NCAM1: variants seen among roughly 807,000 people sequenced by gnomAD.
The protein encoded by NCAM1 is neural cell adhesion molecule 1, also known as antigen recognized by monoclonal antibody 5.1H11.
NCAM1 carries 14 observed loss-of-function variants against 109.8 expected under a neutral mutation model. The ratio of observed to expected loss-of-function variants is 0.13; its 90% CI spans 0.08 to 0.20. The LOEUF (loss-of-function observed/expected upper bound fraction) is 0.20, where lower values mean the gene tolerates loss of function less well. Ranked by LOEUF, NCAM1 falls within the 10% of genes least tolerant of loss-of-function variation. NCAM1 has a pLI of 1.00. For synonymous variants in NCAM1, 418 were observed against 442.9 expected, an observed-to-expected ratio of 0.94 and a Z score of 0.70; for missense variants, 774 against 1,109.9, an observed-to-expected ratio of 0.70 and a Z score of 4.30.
Position 113,233,088 on chromosome 11 carries a change from G to A in NCAM1, c.1523-59G>A. The A allele has an allele frequency of 6.6e-7, 1 of 1,513,990 alleles. No individual in the cohort carries two copies. The allele number at this position is 1,513,990 out of a possible 1,614,324, so 93.8% of individuals were successfully genotyped here. On this transcript the variant is annotated intron_variant, in intron 12 of 19. Transcript: ENST00000316851. This position sits in a 1 kb window ranked among gnomAD's most constrained non-coding sequence, Gnocchi z 4.5. Reference sequence around the variant, plus strand: ...ACAGAGATGTGCCTTGTGACTGAGAGTTAATGGTCTTGGGCCAAACTGGGC... The same window carrying A: ...ACAGAGATGTGCCTTGTGACTGAGAATTAATGGTCTTGGGCCAAACTGGGC...
intron 1 of NCAM1, among the ~76,000 whole-genome samples, chr11:113,004,588 C>T (rs980504536): frequency 2.0e-5 from 3 of 151,988 alleles, no homozygotes; most frequent in South Asian, 2.1e-4. Flanking sequence ...AGGCTTCCAA[C>T]GTTGATGTCA....
chr11:113,100,331 G>A (rs1305835830), intron 1 of NCAM1, among the ~76,000 whole-genome samples: 4 of 152,134 alleles, frequency 2.6e-5, no homozygotes, highest in African/African-American at 9.7e-5. Context: ...GTAGCATCTA[G>A]GGTTTTGTTA....
At chr11:113,115,092 C>G (rs574778972) in intron 1 of NCAM1, among the ~76,000 whole-genome samples, 2 of 152,168 alleles carry the variant, frequency 1.3e-5, no homozygotes, top group Non-Finnish European at 1.5e-5. Flanking sequence ...TCAGCACCCC[C>G]CAGCTGGTAG....
intron 1 of NCAM1, among the ~76,000 whole-genome samples, chr11:113,096,716 C>T (rs1939613158): frequency 1.3e-5 from 2 of 152,256 alleles, no homozygotes; most frequent in Non-Finnish European, 2.9e-5. Context: ...ACTGGCATCA[C>T]TGATGACAAA....
chr11:112,983,245 T>C (rs1213803507), intron 1 of NCAM1, among the ~76,000 whole-genome samples: 9 of 151,982 alleles, frequency 5.9e-5, no homozygotes, highest in African/African-American at 2.2e-4. Context: ...TTTTATCTTC[T>C]AGTGCTTTTG....
Position 113,193,613 on chromosome 11 carries a change from T to G in NCAM1, c.53-8766T>G, listed in dbSNP as rs782698940. Among the ~76,000 whole-genome samples the G allele has an allele frequency of 2.0e-3, 295 of 151,078 alleles. 1 individual carries two copies. Among genetic ancestry groups the G allele is most frequent in the Middle Eastern group, 0.014 (4 of 292 alleles). ...GGTTGCAGTGAAGCGAGATCCAGCCTGGGCAAGAAGAGCAAAATTCTGTGT... is the reference window on the plus strand; with the variant it reads ...GGTTGCAGTGAAGCGAGATCCAGCCGGGGCAAGAAGAGCAAAATTCTGTGT... On this transcript the variant is annotated intron_variant, in intron 1 of 19. Transcript: ENST00000316851.
chr11:112,968,941 G>T (rs1159341233), intron 1 of NCAM1, among the ~76,000 whole-genome samples: 1 of 152,166 alleles, frequency 6.6e-6, no homozygotes, highest in Non-Finnish European at 1.5e-5. Context: ...ATCGTGTGGA[G>T]TTTCACGTTA....
At chr11:113,155,250 G>A (rs1191738831) in intron 1 of NCAM1, among the ~76,000 whole-genome samples, 2 of 152,114 alleles carry the variant, frequency 1.3e-5, no homozygotes, top group Non-Finnish European at 2.9e-5. Context: ...GGGCATGGTG[G>A]CTCACACCTG....
chr11:113,225,360 A>G (rs1334196551), intron 9 of NCAM1, among the ~76,000 whole-genome samples: 2 of 152,254 alleles, frequency 1.3e-5, no homozygotes, highest in African/African-American at 4.8e-5. Flanking sequence ...AATGAAATGA[A>G]GTGAGAAGAG....
At chr11:113,185,896 G>A (rs373126433) in intron 1 of NCAM1, among the ~76,000 whole-genome samples, 1 of 152,286 alleles carries the variant, frequency 6.6e-6, no homozygotes, top group East Asian at 1.9e-4. Flanking sequence ...TTTTCAGGCT[G>A]TAGCAAGGAA....
chr11:113,184,942 G>A (rs1943453134), intron 1 of NCAM1, among the ~76,000 whole-genome samples: 1 of 151,806 alleles, frequency 6.6e-6, no homozygotes, highest in South Asian at 2.1e-4. Context: ...ATGTTTTCAT[G>A]TATATTGATG....
At chr11:113,243,779 G>A (rs548575133) in intron 14 of NCAM1, 2 of 275,538 alleles carry the variant, frequency 7.3e-6, no homozygotes, top group South Asian at 6.9e-5. Context: ...AGAACAAGAA[G>A]GCAGAAAGCA....
chr11:113,004,880 T>G (rs1419459659), intron 1 of NCAM1, among the ~76,000 whole-genome samples: 2 of 151,996 alleles, frequency 1.3e-5, no homozygotes, highest in Non-Finnish European at 2.9e-5. Flanking sequence ...TTCTTGTCCT[T>G]CAGATTTGGG....
intron 1 of NCAM1, among the ~76,000 whole-genome samples, chr11:112,971,607 C>G (rs1950884166): frequency 6.6e-6 from 1 of 152,132 alleles, no homozygotes; most frequent in African/African-American, 2.4e-5. Context: ...AACTCCTGGG[C>G]TCCTGCCTCA....
chr11:113,256,071 CAG>C, intron 16 of NCAM1, 70 bp downstream of exon 16: 1 of 1,539,692 alleles, frequency 6.5e-7, no homozygotes, highest in Non-Finnish European at 8.8e-7. Flanking sequence ...AGGGAAACAA[CAG>C]GGGCAGCCCA....
chr11:113,139,205 G>T (rs948245052), intron 1 of NCAM1, among the ~76,000 whole-genome samples: 1 of 152,168 alleles, frequency 6.6e-6, no homozygotes, highest in Non-Finnish European at 1.5e-5. Flanking sequence ...TCTACAGAAA[G>T]TATTGACTGA....
At chr11:113,023,162 G>A (rs1243657571) in intron 1 of NCAM1, among the ~76,000 whole-genome samples, 7 of 152,160 alleles carry the variant, frequency 4.6e-5, no homozygotes, top group African/African-American at 7.2e-5. Context: ...AGAGCGGCAC[G>A]AACTTTAAAA....
At position 113,277,971 on chromosome 11, in the gene NCAM1, A is replaced by AATT. The variant is rs1159264478; in HGVS notation, c.*2585_*2587dup. On this transcript the variant is annotated 3_prime_UTR_variant, in exon 20 of 20. Transcript: ENST00000316851. ...ATCAAAGCTTATAATTTTCTTTTTT[A>AATT]ATTTTTGAAGGAGGGATCAACTCCA... The AATT allele has an allele frequency of 4.8e-5, 7 of 146,626 alleles. No individual in the cohort carries two copies. Among genetic ancestry groups the AATT allele is most frequent in the Non-Finnish European group, 1.0e-4 (7 of 66,898 alleles). The allele number at this position is 146,626 out of a possible 1,614,324, so 9.1% of individuals were successfully genotyped here.
chr11:113,089,712 G>T (rs4499033), intron 1 of NCAM1, among the ~76,000 whole-genome samples: 1 of 152,144 alleles, frequency 6.6e-6, no homozygotes, highest in South Asian at 2.1e-4. Context: ...TGGAGAAAAA[G>T]AACAGAATGT....
Sources: allele counts gnomAD v4.1 joint callset (sites outside exome capture counted in the v4.1 genomes callset), GRCh38; gene constraint gnomAD v4.1.1; non-coding constraint Gnocchi (gnomAD v3.1); transcripts MANE v1.5; gene names NCBI Gene and HGNC (gene_info 2026-07-23, HGNC 2026-07-21).